Variants in ZFAT observed in about 807,000 individuals in gnomAD.
The protein encoded by ZFAT is zinc finger and AT-hook domain containing, also known as zinc finger protein ZFAT.
In ZFAT, 64 loss-of-function variants were observed where a neutral mutation model predicts 117.7. That is an observed-to-expected ratio of 0.54 (90% CI 0.44 to 0.67). The LOEUF (loss-of-function observed/expected upper bound fraction) is 0.67. ZFAT is among the 30% of genes least tolerant of loss of function. ZFAT has a pLI of 0.00. For synonymous variants in ZFAT, 679 were observed against 615.0 expected (o/e 1.10, Z -1.54); for missense variants, 1,433 against 1,584.5 (o/e 0.90, Z 1.62).
At chr8:134,601,389 C>A in intron 6 of ZFAT, 88 bp downstream of exon 6, 1 of 1,507,644 alleles carries the variant, frequency 6.6e-7, no homozygotes, top group Non-Finnish European at 8.9e-7. Context: ...GTATTCTTTG[C>A]AAACAGACAT....
At chr8:134,785,868 T>G in the ZFAT span, 1 of 152,192 alleles carries the variant, frequency 6.6e-6, no homozygotes, top group Non-Finnish European at 1.5e-5. Flanking sequence ...TGATTGGAAC[T>G]TCAGTGAATT....
chr8:134,642,549 T>C (rs1013178959), intron 2 of ZFAT, among the ~76,000 whole-genome samples: 19 of 152,222 alleles, frequency 1.2e-4, no homozygotes, highest in African/African-American at 2.9e-4. Flanking sequence ...TCCTCCCACC[T>C]GGTCCACAGT....
the ZFAT span, among the ~76,000 whole-genome samples, chr8:134,809,849 G>A: frequency 6.6e-6 from 1 of 152,102 alleles, no homozygotes; most frequent in East Asian, 1.9e-4. Context: ...AATTGAAACC[G>A]ACAGTGAGTT....
At chr8:134,818,992 T>G in the ZFAT span, among the ~76,000 whole-genome samples, 4 of 152,162 alleles carry the variant, frequency 2.6e-5, no homozygotes, top group Non-Finnish European at 5.9e-5. Context: ...GTGGTGATGG[T>G]CTCATGGATA....
intron 11 of ZFAT, among the ~76,000 whole-genome samples, chr8:134,545,569 A>G (rs994121062): frequency 1.3e-5 from 2 of 152,258 alleles, no homozygotes; most frequent in Admixed American, 6.5e-5. Flanking sequence ...GAAATAAAAA[A>G]GTATTAGGCT....
intron 7 of ZFAT, 27 bp downstream of exon 7, chr8:134,600,409 G>A: frequency 6.3e-7 from 1 of 1,598,046 alleles, no homozygotes; most frequent in African/African-American, 1.3e-5. Context: ...AGGGGAGACG[G>A]GGCTGCCGCT....
chr8:134,734,172 T>G, the ZFAT span, among the ~76,000 whole-genome samples: 1 of 152,232 alleles, frequency 6.6e-6, no homozygotes, highest in Non-Finnish European at 1.5e-5. Flanking sequence ...TTCTGCCACT[T>G]CAGGCTGCTC....
intron 4 of ZFAT, 110 bp downstream of exon 4, chr8:134,610,360 C>A: frequency 8.5e-7 from 1 of 1,183,108 alleles, no homozygotes; most frequent in Non-Finnish European, 1.2e-6. Context: ...AAATGGAGAG[C>A]CCCACCAATG....
At chr8:134,827,997 A>G in the ZFAT span, among the ~76,000 whole-genome samples, 16 of 152,318 alleles carry the variant, frequency 1.1e-4, no homozygotes, top group African/African-American at 3.8e-4. Flanking sequence ...CTTGGCACAA[A>G]TATTTGTAAA....
the ZFAT span, among the ~76,000 whole-genome samples, chr8:134,745,295 A>G: frequency 6.6e-6 from 1 of 152,180 alleles, no homozygotes; most frequent in Non-Finnish European, 1.5e-5. Flanking sequence ...GTGCAATGCC[A>G]AGCAGGATCC....
intron 11 of ZFAT, among the ~76,000 whole-genome samples, chr8:134,534,570 G>A (rs768593667): frequency 1.3e-5 from 2 of 150,226 alleles, no homozygotes; most frequent in African/African-American, 2.5e-5. Flanking sequence ...AGGAGAGGAG[G>A]AGGAAGAGGG....
At chr8:134,736,981 A>C in the ZFAT span, among the ~76,000 whole-genome samples, 1 of 152,064 alleles carries the variant, frequency 6.6e-6, no homozygotes, top group Non-Finnish European at 1.5e-5. Flanking sequence ...TTTGTTTAAA[A>C]TGTAAAAACA....
At chr8:134,617,293 A>G (rs887523053) in intron 3 of ZFAT, among the ~76,000 whole-genome samples, 1 of 152,084 alleles carries the variant, frequency 6.6e-6, no homozygotes, top group African/African-American at 2.4e-5. Flanking sequence ...CTACCTCCAC[A>G]TTCTCCCAAT....
At position 134,512,588 on chromosome 8, in the gene ZFAT, G is replaced by A. The variant is rs771364819; in HGVS notation, c.3248C>T (p.Ala1083Val). The change falls in exon 14 of 16, where the codon GCT becomes GTT. Residue 1083 changes from alanine to valine, a missense_variant. This residue lies in a region of ZFAT where 503 missense variants were observed against 543.4 expected (regional missense o/e 0.93). Transcript: ENST00000377838. Reference protein sequence around the residue: ...GDPKWETATEAPEEPSTQYLH... With the variant: ...GDPKWETATEVPEEPSTQYLH... ...ATACTGGGTGGAGGGCTCCTCAGGA[G>A]CTTCTGTTGCTGTCTAAATAAAAAC... 19 of 1,613,252 alleles carry A rather than the reference G, an allele frequency of 1.2e-5. No homozygotes were observed. Among genetic ancestry groups the A allele is most frequent in the Non-Finnish European group, 1.6e-5 (19 of 1,179,736 alleles).
In ZFAT at chr8:134,583,809, T is replaced by C. The variant is rs372624845; in HGVS notation, c.2887+23A>G. ...CAAACCACACATTTAGAGGGGAAAG[T>C]TCACCTTGGGCCATTTACTCACCAT... On this transcript the variant is annotated intron_variant, in intron 10 of 15. Coordinates refer to ENST00000377838, the MANE Select transcript of ZFAT (RefSeq NM_020863.4). 6.0e-4 allele frequency: 967 copies of C among 1,611,222 alleles called. 1 individual carries two copies. Among genetic ancestry groups the C allele is most frequent in the Non-Finnish European group, 6.5e-4 (770 of 1,178,196 alleles).
At chr8:134,529,759 C>G (rs537822757) in intron 12 of ZFAT, among the ~76,000 whole-genome samples, 1 of 152,188 alleles carries the variant, frequency 6.6e-6, no homozygotes, top group Non-Finnish European at 1.5e-5. Flanking sequence ...GCAGCTTAAA[C>G]TTGGCCATGG....
At chr8:134,641,277 T>C (rs1231766860) in intron 2 of ZFAT, among the ~76,000 whole-genome samples, 5 of 152,006 alleles carry the variant, frequency 3.3e-5, no homozygotes, top group Admixed American at 2.0e-4. Context: ...TGACCCCACT[T>C]CCTTCTTCCT....
intron 15 of ZFAT, among the ~76,000 whole-genome samples, chr8:134,509,044 A>C (rs1009319800): frequency 2.0e-5 from 3 of 152,360 alleles, no homozygotes; most frequent in Middle Eastern, 3.4e-3. Flanking sequence ...AACACATTGC[A>C]TTTTAACAGA....
chr8:134,600,546 C>G lies in ZFAT; in HGVS notation c.2365G>C (p.Val789Leu). 6.2e-7 allele frequency: 1 copy of G among 1,614,110 alleles called. No individual in the cohort carries two copies. Among genetic ancestry groups the G allele is most frequent in the South Asian group, 1.1e-5 (1 of 91,072 alleles). Reference sequence around the variant, plus strand: ...AAGATGTTACTGTGTTTCTGAATTACGTGGCGTTTAAGGCAGTTTTTGGTG... The same window carrying G: ...AAGATGTTACTGTGTTTCTGAATTAGGTGGCGTTTAAGGCAGTTTTTGGTG... ...SITKNCLKRH[V>L]IQKHSNILLK... Residue 789 changes from valine to leucine, a missense_variant, in exon 7 of 16, where the codon GTA becomes CTA. Val to Leu is a conservative substitution (Grantham distance 32). This residue lies in a region of ZFAT where 49 missense variants were observed against 81.5 expected (regional missense o/e 0.60). Transcript: ENST00000377838.
Sources: gnomAD v4.1 joint callset for allele counts (sites outside exome capture counted in the v4.1 genomes callset) on GRCh38, gnomAD v4.1.1 for gene constraint, gnomAD v4.1.1 regional missense constraint, MANE v1.5 for transcripts, NCBI Gene and HGNC (gene_info 2026-07-23, HGNC 2026-07-21) for gene names.